ASAP3: variants seen among roughly 807,000 people sequenced by gnomAD.
The protein encoded by ASAP3 is ArfGAP with SH3 domain, ankyrin repeat and PH domain 3, also known as arf-GAP with SH3 domain, ANK repeat and PH domain-containing protein 3.
Under a neutral mutation model 118.2 loss-of-function variants are expected in ASAP3, and 85 were observed. That is an observed-to-expected ratio of 0.72 (90% CI 0.60 to 0.86). ASAP3 has a LOEUF of 0.86. ASAP3 is among the 40% of genes least tolerant of loss of function. The pLI is 0.00. For synonymous variants in ASAP3, 432 were observed against 477.4 expected (o/e 0.90, Z 1.24); for missense variants, 1,026 against 1,175.0 (o/e 0.87, Z 1.85).
chr1:23,433,915 A>G (rs1207124), intron 19 of ASAP3, among the ~76,000 whole-genome samples: 138,022 of 152,294 alleles, frequency 0.91, 62,574 homozygotes, highest in African/African-American at 0.94. Context: ...GTGAGGATTC[A>G]ATTAATTAAC....
At chr1:23,435,624 CAG>C (rs1349524498) in intron 17 of ASAP3, 1 of 594,878 alleles carries the variant, frequency 1.7e-6, no homozygotes, top group Admixed American at 2.9e-5. Context: ...AAATGAGACT[CAG>C]AGAAGTAACC....
intron 1 of ASAP3, 95 bp downstream of exon 1, chr1:23,483,910 G>T: frequency 8.5e-7 from 1 of 1,182,794 alleles, no homozygotes; most frequent in Non-Finnish European, 1.1e-6. Context: ...TCGGGGCGCG[G>T]TGAAGGGCCA....
At chr1:23,473,357 C>G (rs948879430) in intron 1 of ASAP3, among the ~76,000 whole-genome samples, 10 of 152,142 alleles carry the variant, frequency 6.6e-5, no homozygotes, top group Non-Finnish European at 2.9e-5. Flanking sequence ...AGCAGCTGTT[C>G]CCAGCTCAGC....
At position 23,436,928 on chromosome 1, in the gene ASAP3, C is replaced by A. The variant is rs1255427123; in HGVS notation, c.1459G>T (p.Gly487Cys). The A allele has an allele frequency of 2.5e-6, 4 of 1,611,990 alleles. No homozygotes were observed. The highest frequency in any genetic ancestry group is 2.7e-5 in the African/African-American group (2 of 74,906). The change falls in exon 15 of 25, where the codon GGC (glycine) becomes TGC (cysteine). Residue 487 changes from glycine (G) to cysteine (C), a missense_variant. Gly to Cys is a radical substitution (Grantham distance 159). Coordinates refer to ENST00000336689, the MANE Select transcript of ASAP3 (RefSeq NM_017707.4). This position sits in a 1 kb window ranked among gnomAD's most constrained non-coding sequence, Gnocchi z 4.2. Reference sequence around the variant, plus strand: ...GCCCTCACCAACAACTCGGAGGGGCCCAGCAGGTCCAAGGTGAGTGACTGC... The same window carrying A: ...GCCCTCACCAACAACTCGGAGGGGCACAGCAGGTCCAAGGTGAGTGACTGC... ...RMQSLTLDLL[G>C]PSELLLALNM...
intron 5 of ASAP3, among the ~76,000 whole-genome samples, chr1:23,449,995 C>T (rs576253903): frequency 6.6e-6 from 1 of 152,340 alleles, no homozygotes; most frequent in Admixed American, 6.5e-5. Flanking sequence ...TGTGCCCTCA[C>T]TACCCGTCCC....
Position 23,436,839 on chromosome 1 carries a change from AG to A in ASAP3, c.1476+71del. The A allele has an allele frequency of 6.4e-7, 1 of 1,569,560 alleles. No homozygotes were observed. The highest frequency in any genetic ancestry group is 8.6e-7 in the Non-Finnish European group (1 of 1,157,134). The stretch of plus-strand genomic sequence containing the variant: ...GGCCAGGTCCCACCCACAACCTGCA[AG>A]CCCCGCCCCCGGATGAAACTACACC... On this transcript the variant is annotated intron_variant, in intron 15 of 24. Transcript: ENST00000336689. This position sits in a 1 kb window ranked among gnomAD's most constrained non-coding sequence, Gnocchi z 4.2.
intron 1 of ASAP3, among the ~76,000 whole-genome samples, chr1:23,469,119 A>G (rs1035107082): frequency 2.6e-5 from 4 of 152,016 alleles, no homozygotes; most frequent in Non-Finnish European, 4.4e-5. Flanking sequence ...AGCCTGGGCA[A>G]CATGGCGAAA....
At chr1:23,471,545 A>G (rs1420876438) in intron 1 of ASAP3, among the ~76,000 whole-genome samples, 1 of 152,248 alleles carries the variant, frequency 6.6e-6, no homozygotes, top group Admixed American at 6.5e-5. Context: ...ACATACTAGC[A>G]AGGCCCAGTG....
chr1:23,482,755 T>A lies in ASAP3; in HGVS notation c.129+1250A>T, dbSNP rs1642348976. On this transcript the variant is annotated intron_variant, in intron 1 of 24. Coordinates refer to ENST00000336689, the MANE Select transcript of ASAP3 (RefSeq NM_017707.4). ...TGAGGTCAGGAGATCGAGACCATCCTGGCTAACACGGTGAAACCCCGTCTC... is the reference window on the plus strand; with the variant it reads ...TGAGGTCAGGAGATCGAGACCATCCAGGCTAACACGGTGAAACCCCGTCTC... 4.6e-5 allele frequency among the ~76,000 whole-genome samples: 7 copies of A among 151,964 alleles called. No individual in the cohort carries two copies. In the South Asian group the frequency reaches 1.5e-3, roughly 31 times the overall value.
chr1:23,484,242 C>G (rs1642436615), upstream of ASAP3: 8 of 1,061,442 alleles, frequency 7.5e-6, no homozygotes, highest in Non-Finnish European at 9.5e-6. Context: ...CCTCCACACG[C>G]CCCGCCCCTC....
At chr1:23,461,452 T>C (rs2148645064) in intron 1 of ASAP3, among the ~76,000 whole-genome samples, 1 of 152,226 alleles carries the variant, frequency 6.6e-6, no homozygotes. Flanking sequence ...GGAGGATTGC[T>C]TGAGCCTAGT....
Position 23,437,554 on chromosome 1 carries a change from T to A in ASAP3, c.1103-82A>T. The A allele has an allele frequency of 1.3e-6, 2 of 1,536,424 alleles. No individual in the cohort carries two copies. Among genetic ancestry groups the A allele is most frequent in the Non-Finnish European group, 1.8e-6 (2 of 1,121,982 alleles). On this transcript the variant is annotated intron_variant, in intron 12 of 24. Coordinates refer to ENST00000336689, the MANE Select transcript of ASAP3 (RefSeq NM_017707.4). The surrounding 1 kb of genome is among the most constrained non-coding windows in gnomAD (Gnocchi z 6.1). ...CCCAGGGAGCCCCCACCAAAGCCGCTGGGGCCACATGGAGATGTGTCCCTG... is the reference window on the plus strand; with the variant it reads ...CCCAGGGAGCCCCCACCAAAGCCGCAGGGGCCACATGGAGATGTGTCCCTG...
chr1:23,484,196 A>C (rs549777670), upstream of ASAP3: 1 of 1,212,696 alleles, frequency 8.2e-7, no homozygotes, highest in Admixed American at 4.4e-5. Context: ...CTCCGCGCTG[A>C]GCCGGCCTCA....
intron 1 of ASAP3, among the ~76,000 whole-genome samples, chr1:23,463,992 G>A (rs1259600582): frequency 1.3e-5 from 2 of 151,990 alleles, no homozygotes; most frequent in Non-Finnish European, 1.5e-5. Context: ...ACTGTGGTTT[G>A]TTTTCTGCCT....
intron 10 of ASAP3, among the ~76,000 whole-genome samples, chr1:23,440,834 C>T (rs778958818): frequency 4.4e-4 from 57 of 130,844 alleles, no homozygotes; most frequent in Non-Finnish European, 7.8e-4. Flanking sequence ...CCAGCCTGGG[C>T]GACAGAGTGA....
At chr1:23,474,342 C>T (rs373397523) in intron 1 of ASAP3, among the ~76,000 whole-genome samples, 1 of 152,138 alleles carries the variant, frequency 6.6e-6, no homozygotes, top group East Asian at 1.9e-4. Context: ...TACCTCTGGG[C>T]ATCTGGGCAG....
At chr1:23,451,131 T>C (rs1242985872) in intron 5 of ASAP3, among the ~76,000 whole-genome samples, 1 of 152,236 alleles carries the variant, frequency 6.6e-6, no homozygotes, top group East Asian at 1.9e-4. Flanking sequence ...GTGATACTAA[T>C]ACCTCTCTCA....
rs760996705 is a variant in ASAP3, at chr1:23,439,226, G to A, written c.949C>T (p.Arg317Ter). ...CACTTCCTTTTCTGCCAGACTCTTCGAATTCTAAAGCCCAGAGGGATAGAA... is the reference window on the plus strand; with the variant it reads ...CACTTCCTTTTCTGCCAGACTCTTCAAATTCTAAAGCCCAGAGGGATAGAA... ...GFLYKKSDGI[R>*]RVWQKRKCGV... The change falls in exon 11 of 25, where the codon CGA (arginine) becomes TGA (stop). Residue 317 changes from arginine to a stop codon, truncating the protein, a stop_gained. Transcript: ENST00000336689. LOFTEE classifies it high-confidence loss of function. 1.2e-5 allele frequency: 19 copies of A among 1,613,888 alleles called. No individual in the cohort carries two copies. Among genetic ancestry groups the A allele is most frequent in the Middle Eastern group, 3.3e-4 (2 of 6,062 alleles).
chr1:23,433,446 A>G lies in ASAP3; in HGVS notation c.2106T>C (p.Ser702=). 1 of 1,613,996 alleles carries G rather than the reference A, an allele frequency of 6.2e-7. No homozygotes were observed. ...WVISTEPGSD[S]EEDEEEKRCL... Reference sequence around the variant, plus strand: ...CCACCTTCTCTTCCTCATCCTCCTCACTGTCAGAGCCAGGCTCTGTGGAAA... The same window carrying G: ...CCACCTTCTCTTCCTCATCCTCCTCGCTGTCAGAGCCAGGCTCTGTGGAAA... Residue 702 remains serine, a synonymous_variant, in exon 21 of 25, where the codon AGT becomes AGC. Coordinates refer to ENST00000336689, the MANE Select transcript of ASAP3 (RefSeq NM_017707.4).
Sources: allele counts gnomAD v4.1 joint callset (sites outside exome capture counted in the v4.1 genomes callset), GRCh38; gene constraint gnomAD v4.1.1; non-coding constraint Gnocchi (gnomAD v3.1); transcripts MANE v1.5; gene names NCBI Gene and HGNC (gene_info 2026-07-23, HGNC 2026-07-21).